Variants in GALNT13 observed in about 807,000 individuals in gnomAD.
The protein encoded by GALNT13 is polypeptide N-acetylgalactosaminyltransferase 13, also known as UDP-GalNAc:polypeptide N-acetylgalactosaminyltransferase 13.
In GALNT13, 28 loss-of-function variants were observed where a neutral mutation model predicts 64.2. That is an observed-to-expected ratio of 0.44 (90% confidence interval 0.32 to 0.60). The LOEUF (loss-of-function observed/expected upper bound fraction) is 0.60, where lower values mean the gene tolerates loss of function less well. GALNT13 is among the 20% of genes least tolerant of loss of function. The pLI is 0.05. For synonymous variants in GALNT13, 214 were observed against 224.6 expected, an observed-to-expected ratio of 0.95 and a Z score of 0.42; for missense variants, 577 against 669.8, an observed-to-expected ratio of 0.86 and a Z score of 1.53.
At chr2:153,247,563 A>G in the GALNT13 span, among the ~76,000 whole-genome samples, 1 of 152,196 alleles carries the variant, frequency 6.6e-6, no homozygotes, top group African/African-American at 2.4e-5. Flanking sequence ...GCAGAAATCA[A>G]GAAGTGATAA....
the GALNT13 span, among the ~76,000 whole-genome samples, chr2:153,652,007 A>G: frequency 6.6e-6 from 1 of 152,178 alleles, no homozygotes. Flanking sequence ...GTGGAATTCC[A>G]AGTGGTGAAT....
the GALNT13 span, among the ~76,000 whole-genome samples, chr2:153,207,894 A>G: frequency 1.3e-5 from 2 of 152,190 alleles, no homozygotes; most frequent in Non-Finnish European, 2.9e-5. Flanking sequence ...TGTAGTTAGC[A>G]GAAGAGACAA....
the GALNT13 span, among the ~76,000 whole-genome samples, chr2:153,403,743 C>T: frequency 6.6e-6 from 1 of 152,150 alleles, no homozygotes; most frequent in Non-Finnish European, 1.5e-5. Flanking sequence ...ACTCCCTGAC[C>T]CCTTGCGCTT....
the GALNT13 span, among the ~76,000 whole-genome samples, chr2:153,516,540 G>A: frequency 2.0e-5 from 3 of 152,122 alleles, no homozygotes; most frequent in Non-Finnish European, 2.9e-5. Flanking sequence ...GTGGTAGGAA[G>A]AGAGGGAATT....
At chr2:154,100,439 T>A (rs1213139811) in intron 3 of GALNT13, among the ~76,000 whole-genome samples, 1 of 152,134 alleles carries the variant, frequency 6.6e-6, no homozygotes, top group African/African-American at 2.4e-5. Context: ...TTAAATATAT[T>A]CCTAGGTATT....
chr2:154,417,517 A>ATTTTTTTTTTTT (rs775341273), intron 11 of GALNT13, among the ~76,000 whole-genome samples: 12 of 127,028 alleles, frequency 9.4e-5, no homozygotes, highest in Non-Finnish European at 1.3e-4. Context: ...TTATTTATTT[A>ATTTTTTTTTTTT]TTTATTTTTT....
the GALNT13 span, among the ~76,000 whole-genome samples, chr2:153,369,345 GA>G: frequency 1.3e-5 from 2 of 151,608 alleles, no homozygotes; most frequent in African/African-American, 2.4e-5. Flanking sequence ...AAAATAAGAG[GA>G]AAAAAATCGA....
chr2:154,172,244 T>A lies in GALNT13; in HGVS notation c.311+31739T>A, dbSNP rs140111420. Among the ~76,000 whole-genome samples the A allele has an allele frequency of 4.9e-4, 74 of 152,236 alleles. 1 individual carries two copies. In the East Asian group the frequency reaches 0.014, roughly 29 times the overall value. On this transcript the variant is annotated intron_variant, in intron 4 of 12. Transcript: ENST00000392825. ...TGATAATTTAATACATTCATAAAATTTGTAAAGATCAATCCATCACCTTTT... is the reference window on the plus strand; with the variant it reads ...TGATAATTTAATACATTCATAAAATATGTAAAGATCAATCCATCACCTTTT...
chr2:153,328,751 G>A, the GALNT13 span, among the ~76,000 whole-genome samples: 3 of 152,132 alleles, frequency 2.0e-5, no homozygotes, highest in Admixed American at 6.5e-5. Flanking sequence ...CTCCATAGGG[G>A]TGGGCTCCGC....
At chr2:153,100,663 G>A in the GALNT13 span, among the ~76,000 whole-genome samples, 2 of 152,084 alleles carry the variant, frequency 1.3e-5, no homozygotes, top group Non-Finnish European at 2.9e-5. Flanking sequence ...GTATATAAAT[G>A]TCTTTCTTCA....
At chr2:154,164,447 T>G (rs1684909968) in intron 4 of GALNT13, among the ~76,000 whole-genome samples, 1 of 152,256 alleles carries the variant, frequency 6.6e-6, no homozygotes, top group East Asian at 1.9e-4. Flanking sequence ...TAGATATATT[T>G]TTTGACAAGA....
intron 3 of GALNT13, among the ~76,000 whole-genome samples, chr2:154,087,329 T>G (rs1222200812): frequency 6.6e-6 from 1 of 151,958 alleles, no homozygotes; most frequent in Non-Finnish European, 1.5e-5. Flanking sequence ...ATACATTGAG[T>G]CTCAAAATAT....
At chr2:153,623,351 C>T in the GALNT13 span, among the ~76,000 whole-genome samples, 5 of 151,994 alleles carry the variant, frequency 3.3e-5, no homozygotes, top group Admixed American at 1.3e-4. Flanking sequence ...TATTAAAGGC[C>T]TATTAGCTTC....
chr2:153,670,885 T>C, the GALNT13 span, among the ~76,000 whole-genome samples: 2 of 152,160 alleles, frequency 1.3e-5, no homozygotes, highest in Non-Finnish European at 2.9e-5. Flanking sequence ...AAAACCACAG[T>C]ACGAGAAATT....
the GALNT13 span, among the ~76,000 whole-genome samples, chr2:153,436,698 G>A: frequency 2.2e-3 from 332 of 152,052 alleles, 7 homozygotes; most frequent in East Asian, 0.034. Context: ...TTTTTATTGC[G>A]TCTATTTGAT....
intron 8 of GALNT13, among the ~76,000 whole-genome samples, chr2:154,282,745 T>G (rs1326528847): frequency 6.6e-6 from 1 of 152,180 alleles, no homozygotes; most frequent in African/African-American, 2.4e-5. Flanking sequence ...GAAAGAATCC[T>G]CAGGTGTGCT....
chr2:153,464,831 G>T, the GALNT13 span, among the ~76,000 whole-genome samples: 1 of 151,972 alleles, frequency 6.6e-6, no homozygotes, highest in Non-Finnish European at 1.5e-5. Flanking sequence ...TTTAACCAAT[G>T]CAAGTGTAAC....
the GALNT13 span, among the ~76,000 whole-genome samples, chr2:153,697,321 C>G: frequency 6.6e-6 from 1 of 152,110 alleles, no homozygotes. Context: ...ATTCTGCAAT[C>G]TTGTCACTTC....
chr2:154,146,238 G>C lies in GALNT13; in HGVS notation c.311+5733G>C, dbSNP rs187662608. Among the ~76,000 whole-genome samples the C allele has an allele frequency of 2.5e-3, 382 of 151,738 alleles. 1 individual carries two copies. The highest frequency in any genetic ancestry group is 4.0e-3 in the Non-Finnish European group (273 of 67,826). Reference sequence around the variant, plus strand: ...ATATAAGTATTATTATCATTTGGGGGATAATAACACTGTTACACTGTAAGT... The same window carrying C: ...ATATAAGTATTATTATCATTTGGGGCATAATAACACTGTTACACTGTAAGT... On this transcript the variant is annotated intron_variant, in intron 4 of 12. Transcript: ENST00000392825.
Sources: allele counts gnomAD v4.1 joint callset (sites outside exome capture counted in the v4.1 genomes callset), GRCh38; gene constraint gnomAD v4.1.1; transcripts MANE v1.5; gene names NCBI Gene and HGNC (gene_info 2026-07-23, HGNC 2026-07-21).